The following N4BP2L2 variants were observed in gnomAD, a reference collection of about 807,000 sequenced individuals.
The protein encoded by N4BP2L2 is NEDD4-binding protein 2-like 2.
A neutral mutation model predicts 56.2 loss-of-function variants in N4BP2L2; 50 were observed. That is an observed-to-expected ratio of 0.89 (90% CI 0.71 to 1.13). The LOEUF (loss-of-function observed/expected upper bound fraction) is 1.13, where lower values mean the gene tolerates loss of function less well. Ranked by LOEUF, N4BP2L2 falls within the 50% of genes most tolerant of loss-of-function variation. N4BP2L2 has a pLI of 0.00. For missense variants in N4BP2L2, 689 were observed against 693.8 expected (o/e 0.99, Z 0.08); for synonymous variants, 203 against 223.6 (o/e 0.91, Z 0.82).
At chr13:32,490,919 C>A (rs1240620619) in intron 6 of N4BP2L2, among the ~76,000 whole-genome samples, 3 of 151,928 alleles carry the variant, frequency 2.0e-5, no homozygotes, top group Non-Finnish European at 4.4e-5. Flanking sequence ...GGTTAGGGAT[C>A]CCTGACTTAC....
At chr13:32,458,655 T>C (rs1414420351) in intron 6 of N4BP2L2, among the ~76,000 whole-genome samples, 2 of 152,180 alleles carry the variant, frequency 1.3e-5, no homozygotes, top group East Asian at 1.9e-4. Flanking sequence ...TTATTAGATC[T>C]AAAGGGAGAG....
chr13:32,460,299 A>T (rs763211406), intron 6 of N4BP2L2, among the ~76,000 whole-genome samples: 2 of 152,182 alleles, frequency 1.3e-5, no homozygotes, highest in African/African-American at 2.4e-5. Context: ...TGAGAGTCCT[A>T]GCCAGAGCAA....
exon 7 of N4BP2L2, chr13:32,443,292 C>G (rs371553702): frequency 2.5e-6 from 4 of 1,613,856 alleles, no homozygotes; most frequent in Middle Eastern, 1.6e-4. Flanking sequence ...TCCATTGCCC[C>G]CTGCTGTCAG....
intron 6 of N4BP2L2, among the ~76,000 whole-genome samples, chr13:32,486,170 G>A (rs1293183614): frequency 6.6e-6 from 1 of 152,070 alleles, no homozygotes; most frequent in Non-Finnish European, 1.5e-5. Context: ...ACTTAATGGT[G>A]AAAGGCTAAA....
At chr13:32,449,446 A>G (rs2077536041) in intron 6 of N4BP2L2, among the ~76,000 whole-genome samples, 1 of 152,246 alleles carries the variant, frequency 6.6e-6, no homozygotes, top group African/African-American at 2.4e-5. Context: ...TACACATTAC[A>G]GATGTGGTTT....
chr13:32,433,623 A>AAATAAT lies in N4BP2L2; in HGVS notation c.*22-657_*22-652dup, dbSNP rs954730760. Reference sequence around the variant, plus strand: ...GGCGACAGAGCAAGATTCCATCTCAAAATAATAATAATAATAAAAAAGGCT... The same window carrying AAATAAT: ...GGCGACAGAGCAAGATTCCATCTCAAAATAATAATAATAATAATAATAAAAAAGGCT... On this transcript the variant is annotated intron_variant, in intron 9 of 9. Coordinates refer to the N4BP2L2 transcript ENST00000357505. Among the ~76,000 whole-genome samples the AAATAAT allele has an allele frequency of 2.6e-5, 4 of 151,382 alleles. No individual in the cohort carries two copies. The South Asian group carries it at 8.4e-4, about 32-fold the overall frequency.
chr13:32,445,413 G>A (rs1393618527), intron 6 of N4BP2L2, among the ~76,000 whole-genome samples: 5 of 152,186 alleles, frequency 3.3e-5, no homozygotes, highest in Non-Finnish European at 1.5e-5. Context: ...AAACCTACCA[G>A]TAAATATCTT....
intron 6 of N4BP2L2, among the ~76,000 whole-genome samples, chr13:32,500,993 C>T (rs2089906858): frequency 6.6e-6 from 1 of 151,976 alleles, no homozygotes; most frequent in Admixed American, 6.6e-5. Flanking sequence ...CTCAGCCTCC[C>T]CAGTAGCTGG....
intron 6 of N4BP2L2, among the ~76,000 whole-genome samples, chr13:32,455,149 G>A (rs761190733): frequency 2.0e-5 from 3 of 152,188 alleles, no homozygotes; most frequent in Non-Finnish European, 4.4e-5. Flanking sequence ...CATACTGCAT[G>A]CTGCTATCAC....
intron 6 of N4BP2L2, among the ~76,000 whole-genome samples, chr13:32,463,249 T>C (rs192134443): frequency 1.6e-4 from 24 of 152,238 alleles, no homozygotes; most frequent in African/African-American, 5.1e-4. Flanking sequence ...GGGCAACTGA[T>C]ATTATGCAGT....
chr13:32,527,299 G>A (rs563072595), intron 3 of N4BP2L2, 109 bp downstream of exon 3: 27 of 1,181,608 alleles, frequency 2.3e-5, no homozygotes, highest in South Asian at 4.7e-5. Context: ...CTATTTAAAC[G>A]GCTTGCCTAC....
chr13:32,461,011 G>A (rs1257611446), intron 6 of N4BP2L2, among the ~76,000 whole-genome samples: 1 of 152,054 alleles, frequency 6.6e-6, no homozygotes, highest in African/African-American at 2.4e-5. Context: ...ATACATTAGG[G>A]AATGGACACC....
chr13:32,538,293 T>C (rs1444241962), intron 1 of N4BP2L2, among the ~76,000 whole-genome samples: 1 of 152,194 alleles, frequency 6.6e-6, no homozygotes, highest in Non-Finnish European at 1.5e-5. Flanking sequence ...CGGTTTCTCC[T>C]TTCCTCATTC....
exon 2 of N4BP2L2, chr13:32,535,965 T>C: frequency 2.5e-6 from 4 of 1,614,090 alleles, no homozygotes; most frequent in Admixed American, 1.7e-5. Context: ...TCTTGCATAC[T>C]GCAGCCATTT....
intron 6 of N4BP2L2, among the ~76,000 whole-genome samples, chr13:32,448,735 C>T (rs1019261564): frequency 1.3e-5 from 2 of 151,792 alleles, no homozygotes; most frequent in Non-Finnish European, 2.9e-5. Context: ...TAAGGGGGGG[C>T]CAGAAAAAAA....
intron 6 of N4BP2L2, among the ~76,000 whole-genome samples, chr13:32,501,858 T>C (rs976258207): frequency 6.6e-6 from 1 of 150,580 alleles, no homozygotes; most frequent in Non-Finnish European, 1.5e-5. Context: ...AAAAAGGAAA[T>C]ATCAACATAA....
intron 6 of N4BP2L2, among the ~76,000 whole-genome samples, chr13:32,483,512 G>C (rs1396655094): frequency 6.6e-6 from 1 of 152,066 alleles, no homozygotes. Flanking sequence ...GATTTTTGTA[G>C]GTTGTACATC....
intron 3 of N4BP2L2, among the ~76,000 whole-genome samples, chr13:32,526,283 G>A (rs1042826630): frequency 6.6e-6 from 1 of 152,138 alleles, no homozygotes; most frequent in Non-Finnish European, 1.5e-5. Context: ...TGAGGACTTC[G>A]TTTGGATCCC....
At chr13:32,445,961 T>C (rs2076991179) in intron 6 of N4BP2L2, among the ~76,000 whole-genome samples, 1 of 152,072 alleles carries the variant, frequency 6.6e-6, no homozygotes, top group South Asian at 2.1e-4. Flanking sequence ...TAGTAAAATG[T>C]AGTAGAGGAA....
Sources: gnomAD v4.1 joint callset for allele counts (sites outside exome capture counted in the v4.1 genomes callset) on GRCh38, gnomAD v4.1.1 for gene constraint, MANE v1.5 for transcripts, NCBI Gene and HGNC (gene_info 2026-07-23, HGNC 2026-07-21) for gene names.